Variants in TAF5 observed in about 807,000 individuals in gnomAD.
TAF5 encodes transcription initiation factor TFIID subunit 5.
In TAF5, 20 loss-of-function variants were observed where a neutral mutation model predicts 80.9. The ratio of observed to expected loss-of-function variants is 0.25; its 90% CI spans 0.17 to 0.36. TAF5 has a LOEUF of 0.36. Ranked by LOEUF, TAF5 falls within the 10% of genes least tolerant of loss-of-function variation. The pLI is 1.00. For missense variants in TAF5, 863 were observed against 1,029.4 expected, an observed-to-expected ratio of 0.84 and a Z score of 2.21; for synonymous variants, 388 against 406.4, an observed-to-expected ratio of 0.95 and a Z score of 0.55.
chr10:103,368,640 G>T (rs1326607299), intron 1 of TAF5, 92 bp downstream of exon 1: 1 of 1,378,520 alleles, frequency 7.3e-7, no homozygotes, highest in South Asian at 1.7e-5. Context: ...CTGCGGGCTT[G>T]TTTTGAATTT....
At position 103,378,196 on chromosome 10, in the gene TAF5, A is replaced by T; in HGVS notation, c.798-39A>T. The T allele has an allele frequency of 6.4e-7, 1 of 1,565,558 alleles. No individual in the cohort carries two copies. Among genetic ancestry groups the T allele is most frequent in the South Asian group, 1.2e-5 (1 of 84,506 alleles). ...TGGGGGAAAGGCAGATCCCTTAATG[A>T]TTACATTGAAAAATGACTTTTTAAA... On this transcript the variant is annotated intron_variant, in intron 2 of 10. Coordinates refer to ENST00000369839, the MANE Select transcript of TAF5 (RefSeq NM_006951.5). The surrounding 1 kb of genome is among the most constrained non-coding windows in gnomAD (Gnocchi z 4.1).
At chr10:103,380,735 C>G (rs1230380337) in intron 5 of TAF5, among the ~76,000 whole-genome samples, 1 of 151,432 alleles carries the variant, frequency 6.6e-6, no homozygotes, top group African/African-American at 2.4e-5. Context: ...GTGCCTCAGC[C>G]TCGGCCTCCT....
At chr10:103,368,643 T>A in intron 1 of TAF5, 95 bp downstream of exon 1, 1 of 1,376,224 alleles carries the variant, frequency 7.3e-7, no homozygotes. Flanking sequence ...CGGGCTTGTT[T>A]TGAATTTCCT....
Position 103,388,184 on chromosome 10 carries a change from A to T in TAF5, c.2364A>T (p.Arg788Ser). The change falls in exon 11 of 11, where the codon AGA becomes AGT. Residue 788 changes from arginine to serine, a missense_variant. Physicochemically the swap from Arg to Ser is moderately radical, Grantham distance 110. This residue lies in a region of TAF5 where 368 missense variants were observed against 461.7 expected (regional missense o/e 0.80). Coordinates refer to ENST00000369839, the MANE Select transcript of TAF5 (RefSeq NM_006951.5). The stretch of plus-strand genomic sequence containing the variant: ...TTGTACACCTTCATTTTACTCGAAG[A>T]AACCTGGTTCTAGCTGCAGGAGCTT... ...TPVVHLHFTR[R>S]NLVLAAGAYS... 6.2e-7 allele frequency: 1 copy of T among 1,614,042 alleles called. No homozygotes were observed. Among genetic ancestry groups the T allele is most frequent in the Non-Finnish European group, 8.5e-7 (1 of 1,179,986 alleles).
Position 103,385,564 on chromosome 10 carries a change from A to T in TAF5, c.1829+74A>T, listed in dbSNP as rs117049773. ...GTTTCTTGTTGGGAATTACACAGCCAGCCAAATTCATTTACACTTCCATTA... is the reference window on the plus strand; with the variant it reads ...GTTTCTTGTTGGGAATTACACAGCCTGCCAAATTCATTTACACTTCCATTA... On this transcript the variant is annotated intron_variant, in intron 8 of 10. Coordinates refer to ENST00000369839, the MANE Select transcript of TAF5 (RefSeq NM_006951.5). The T allele has an allele frequency of 2.3e-3, 3,392 of 1,482,648 alleles. 4 individuals are homozygous for T. Among genetic ancestry groups the T allele is most frequent in the Non-Finnish European group, 2.8e-3 (3,093 of 1,090,664 alleles). 91.8% of individuals were successfully genotyped at this position (1,482,648 alleles called of 1,614,324 possible). A position where few individuals can be genotyped will look rare whatever the true frequency, so the allele number is the denominator to read the frequency against.
At position 103,387,763 on chromosome 10, in the gene TAF5, A is replaced by G. The variant is rs2093400682; in HGVS notation, c.2185+65A>G. 2.7e-6 allele frequency: 4 copies of G among 1,479,384 alleles called. No homozygotes were observed. In the South Asian group the frequency reaches 5.0e-5, roughly 18 times the overall value. The allele number at this position is 1,479,384 out of a possible 1,614,324, so 91.6% of individuals were successfully genotyped here. ...AAGAGGAAACAGTGTTGACGACTGC[A>G]ATACTAAGTCCTTATGTTTTAGGTT... is the stretch of plus-strand genomic sequence containing the variant. On this transcript the variant is annotated intron_variant, in intron 10 of 10. Coordinates refer to ENST00000369839, the MANE Select transcript of TAF5 (RefSeq NM_006951.5).
rs1005846147 is a variant in TAF5 at position 103,381,632 on chromosome 10, T to G, written c.1414-89T>G. ...CTTAAAATAGAGGATTGAGGAGATATTTAGTATAGTGTGAAAATGATTAAC... is the reference window on the plus strand; with the variant it reads ...CTTAAAATAGAGGATTGAGGAGATAGTTAGTATAGTGTGAAAATGATTAAC... On this transcript the variant is annotated intron_variant, in intron 5 of 10. Transcript: ENST00000369839. The G allele has an allele frequency of 8.7e-6, 12 of 1,377,014 alleles. No individual in the cohort carries two copies. The African/African-American group carries it at 1.1e-4, about 13-fold the overall frequency. 85.3% of individuals were successfully genotyped at this position (1,377,014 alleles called of 1,614,324 possible).
chr10:103,368,334 G>A lies in TAF5; in HGVS notation c.345G>A (p.Ala115=). The A allele has an allele frequency of 6.3e-7, 1 of 1,580,324 alleles. No individual in the cohort carries two copies. The highest frequency in any genetic ancestry group is 8.5e-7 in the Non-Finnish European group (1 of 1,172,170). The change falls in exon 1 of 11, where the codon GCG becomes GCA. Residue 115 remains alanine, a synonymous_variant. Transcript: ENST00000369839. ...GCAAACTCCGCGAGGCCGAAGAGGC[G>A]CTGCGCCGTGAGGCCGGGCTGCTGG... ...RQSKLREAEE[A]LRREAGLLEE... is the part of the protein sequence containing the mutation.
In TAF5 at chr10:103,388,517, C is replaced by T; in HGVS notation, c.*294C>T. On this transcript the variant is annotated 3_prime_UTR_variant, in exon 11 of 11. Transcript: ENST00000369839. ...GTTCAAATGCTATTTTAATTTATTA[C>T]ATTTAGAAAAAAAGTTGATTTCAAT... 2 of 212,376 alleles carry T rather than the reference C, an allele frequency of 9.4e-6. No individual in the cohort carries two copies. The highest frequency in any genetic ancestry group is 1.9e-5 in the Non-Finnish European group (2 of 106,298). 13.2% of individuals were successfully genotyped at this position (212,376 alleles called of 1,614,324 possible). A position where few individuals can be genotyped will look rare whatever the true frequency, so the allele number is the denominator to read the frequency against.
intron 1 of TAF5, among the ~76,000 whole-genome samples, chr10:103,371,245 CAAA>C (rs142170443): frequency 5.5e-5 from 6 of 108,236 alleles, no homozygotes; most frequent in Non-Finnish European, 7.8e-5. Flanking sequence ...TCCGTCTTTA[CAAA>C]AAAAAAAAAA....
rs2093374562 is a variant in TAF5, at chr10:103,378,430, C to T, written c.993C>T (p.Asn331=). 1 of 1,614,132 alleles carries T rather than the reference C, an allele frequency of 6.2e-7. No individual in the cohort carries two copies. ...AGAAACAGAACAATCAGATATGGAA[C>T]ATAGTTCAGGAGCACCTCTACATTG... is the stretch of plus-strand genomic sequence containing the variant. The part of the protein sequence containing the change: ...LQEKQNNQIW[N]IVQEHLYIDI... The change falls in exon 3 of 11, where the codon AAC becomes AAT. Residue 331 remains asparagine, a synonymous_variant. Coordinates refer to ENST00000369839, the MANE Select transcript of TAF5 (RefSeq NM_006951.5). This position sits in a 1 kb window ranked among gnomAD's most constrained non-coding sequence, Gnocchi z 4.1.
chr10:103,372,784 T>C (rs2093362530), intron 1 of TAF5, among the ~76,000 whole-genome samples: 1 of 151,372 alleles, frequency 6.6e-6, no homozygotes, highest in Non-Finnish European at 1.5e-5. Context: ...TAATCCCAGC[T>C]ACTTAGGAGG....
At chr10:103,386,259 C>G (rs148413163) in intron 8 of TAF5, among the ~76,000 whole-genome samples, 1 of 151,402 alleles carries the variant, frequency 6.6e-6, no homozygotes, top group African/African-American at 2.4e-5. Context: ...GCCAACATGA[C>G]GAAACCCCGT....
intron 8 of TAF5, 109 bp from the exon 9 acceptor site, chr10:103,387,066 C>T: frequency 9.1e-7 from 1 of 1,100,802 alleles, no homozygotes; most frequent in Non-Finnish European, 1.3e-6. Context: ...GGGGCCCACT[C>T]AGAACTAACT....
intron 2 of TAF5, among the ~76,000 whole-genome samples, chr10:103,376,196 A>AT (rs2093369653): frequency 6.6e-6 from 1 of 151,682 alleles, no homozygotes; most frequent in African/African-American, 2.4e-5. Context: ...GGTTCAAGCA[A>AT]TTCTCCTGCC....
intron 7 of TAF5, among the ~76,000 whole-genome samples, chr10:103,383,828 TCAGCCTC>T (rs2093388952): frequency 6.6e-6 from 1 of 152,162 alleles, no homozygotes; most frequent in African/African-American, 2.4e-5. Flanking sequence ...TCTGCCCACC[TCAGCCTC>T]CCAAAGTGCT....
intron 6 of TAF5, 112 bp downstream of exon 6, chr10:103,381,953 C>T: frequency 2.1e-6 from 3 of 1,430,740 alleles, no homozygotes; most frequent in Non-Finnish European, 2.9e-6. Context: ...CTTGATTTTA[C>T]TTTAACTCAA....
At chr10:103,385,704 C>T (rs1345824023) in intron 8 of TAF5, among the ~76,000 whole-genome samples, 6 of 150,640 alleles carry the variant, frequency 4.0e-5, no homozygotes, top group Non-Finnish European at 1.5e-5. Flanking sequence ...GTGGATGGAT[C>T]ACCTGAGGTC....
At chr10:103,379,300 CTTTCCCTTTTTAA>C (rs1407257131) in intron 3 of TAF5, among the ~76,000 whole-genome samples, 2 of 152,240 alleles carry the variant, frequency 1.3e-5, no homozygotes, top group African/African-American at 4.8e-5. Flanking sequence ...TCTGCTGAAG[CTTTCCCTTTTTAA>C]TCAGGAAAAC....
Sources: gnomAD v4.1 joint callset for allele counts (sites outside exome capture counted in the v4.1 genomes callset) on GRCh38, gnomAD v4.1.1 for gene constraint, gnomAD v4.1.1 regional missense constraint, Gnocchi (gnomAD v3.1) non-coding constraint, MANE v1.5 for transcripts, NCBI Gene and HGNC (gene_info 2026-07-23, HGNC 2026-07-21) for gene names.